The following OSBPL6 variants were observed in gnomAD, a reference collection of about 807,000 sequenced individuals.
The protein encoded by OSBPL6 is oxysterol-binding protein-related protein 6.
In OSBPL6, 49 loss-of-function variants were observed where a neutral mutation model predicts 125.8. The observed-to-expected ratio is 0.39, with a 90% CI of 0.31 to 0.49. OSBPL6 has a LOEUF of 0.49. Among genes scored for constraint, OSBPL6 ranks in the 20% least tolerant of loss-of-function variants. The pLI is 0.88. For synonymous variants in OSBPL6, 394 were observed against 391.8 expected (o/e 1.01, Z -0.07); for missense variants, 986 against 1,135.4 (o/e 0.87, Z 1.89).
intron 18 of OSBPL6, among the ~76,000 whole-genome samples, chr2:178,384,792 C>T (rs1694787274): frequency 1.3e-5 from 2 of 151,522 alleles, no homozygotes; most frequent in South Asian, 4.2e-4. Context: ...GGTTGAAATT[C>T]AACAGAACTG....
At chr2:178,282,310 C>T (rs76574758) in intron 1 of OSBPL6, among the ~76,000 whole-genome samples, 55 of 152,260 alleles carry the variant, frequency 3.6e-4, no homozygotes, top group Non-Finnish European at 6.5e-4. Flanking sequence ...CGGAGGAATT[C>T]CTTAGATATG....
chr2:178,343,997 T>C (rs1690463861), intron 11 of OSBPL6, among the ~76,000 whole-genome samples: 1 of 152,206 alleles, frequency 6.6e-6, no homozygotes, highest in African/African-American at 2.4e-5. Context: ...ACAGTATGCA[T>C]ATTTATTTTA....
At position 178,332,721 on chromosome 2, in the gene OSBPL6, C is replaced by A. The variant is rs1559256410; in HGVS notation, c.453C>A (p.Asp151Glu). The change falls in exon 7 of 25, where the codon GAC becomes GAA. Residue 151 changes from aspartate (D) to glutamate (E), a missense_variant. Around this residue, in one of 3 missense-constraint regions of OSBPL6, gnomAD observed 843 missense variants for 997.3 expected, o/e 0.85. Coordinates refer to ENST00000190611, the MANE Select transcript of OSBPL6 (RefSeq NM_032523.4). ...MSIKKKARRI[D>E]LDTEEHIYHL... ...TTAAAAAGAAAGCTCGAAGAATAGA[C>A]CTTGACACCGAAGAGCACATCTATC... 6.2e-7 allele frequency: 1 copy of A among 1,614,102 alleles called. No individual in the cohort carries two copies. The highest frequency in any genetic ancestry group is 8.5e-7 in the Non-Finnish European group (1 of 1,179,976).
At chr2:178,392,383 C>G in intron 22 of OSBPL6, 29 bp from the exon 23 acceptor site, 2 of 1,612,574 alleles carry the variant, frequency 1.2e-6, no homozygotes, top group South Asian at 1.1e-5. Context: ...CCTTCTGCCT[C>G]TCACAGTGGT....
In OSBPL6 at chr2:178,363,367, A is replaced by G. The variant is rs560172069; in HGVS notation, c.1287+1552A>G. Among the ~76,000 whole-genome samples, 4 of 152,312 alleles carry G rather than the reference A, an allele frequency of 2.6e-5. No individual in the cohort carries two copies. In the South Asian group the frequency reaches 8.3e-4, roughly 32 times the overall value. ...TTCATTGTATTCCATTCGGGTGACT[A>G]TATGCTAGGTATTGTGCAAGGTACA... On this transcript the variant is annotated intron_variant, in intron 13 of 24. Coordinates refer to ENST00000190611, the MANE Select transcript of OSBPL6 (RefSeq NM_032523.4).
At chr2:178,379,292 G>GAA (rs1355297622) in intron 15 of OSBPL6, among the ~76,000 whole-genome samples, 2 of 118,840 alleles carry the variant, frequency 1.7e-5, no homozygotes, top group Non-Finnish European at 3.4e-5. Context: ...AGAAAAGAAA[G>GAA]AAAGAAGAAA....
chr2:178,357,425 A>G (rs1336450190), intron 12 of OSBPL6, among the ~76,000 whole-genome samples: 1 of 152,252 alleles, frequency 6.6e-6, no homozygotes, highest in African/African-American at 2.4e-5. Flanking sequence ...TGGGCAAAGG[A>G]TATGAACAGA....
At chr2:178,393,072 CAG>C (rs1695559852) in intron 23 of OSBPL6, among the ~76,000 whole-genome samples, 1 of 152,162 alleles carries the variant, frequency 6.6e-6, no homozygotes, top group African/African-American at 2.4e-5. Context: ...GATAAGATAA[CAG>C]AGATATTTTT....
rs576697882 is a variant in OSBPL6 at position 178,377,919 on chromosome 2, C to T, written c.1533+3892C>T. On this transcript the variant is annotated intron_variant, in intron 15 of 24. Transcript: ENST00000190611. ...TCTTGCCTCACTGTAATCTCCACCT[C>T]CTGGGTTCAAGCAAGTCTCCTGCCT... is the stretch of plus-strand genomic sequence containing the variant. 9.6e-4 allele frequency among the ~76,000 whole-genome samples: 146 copies of T among 152,186 alleles called. 1 individual carries two copies. The highest frequency in any genetic ancestry group is 3.4e-3 in the Middle Eastern group (1 of 294).
chr2:178,266,434 G>C (rs333988), intron 1 of OSBPL6, among the ~76,000 whole-genome samples: 116,032 of 152,116 alleles, frequency 0.76, 45,151 homozygotes, highest in East Asian at 0.88. Context: ...TTGGGATTCT[G>C]CCTTTGAACA....
intron 1 of OSBPL6, among the ~76,000 whole-genome samples, chr2:178,280,282 C>T (rs1037578852): frequency 6.6e-6 from 1 of 152,086 alleles, no homozygotes; most frequent in Non-Finnish European, 1.5e-5. Flanking sequence ...ATATATGTCA[C>T]CTAGAAATTT....
chr2:178,226,699 T>C (rs2090578831), intron 1 of OSBPL6, among the ~76,000 whole-genome samples: 1 of 152,148 alleles, frequency 6.6e-6, no homozygotes, highest in African/African-American at 2.4e-5. Flanking sequence ...TCATACTATA[T>C]ACAAAAAAGT....
intron 1 of OSBPL6, among the ~76,000 whole-genome samples, chr2:178,226,563 T>C (rs1187171378): frequency 6.6e-6 from 1 of 152,192 alleles, no homozygotes; most frequent in Non-Finnish European, 1.5e-5. Context: ...ATAATCCTTT[T>C]TATAGGAGCT....
At chr2:178,361,622 ATGT>A in intron 12 of OSBPL6, 57 bp from the exon 13 acceptor site, 1 of 1,575,188 alleles carries the variant, frequency 6.3e-7, no homozygotes, top group Non-Finnish European at 8.7e-7. Flanking sequence ...GAAATTTATA[ATGT>A]TGTGTATTCT....
rs745806301 is a variant in OSBPL6, at chr2:178,285,072, CA to C, written c.-204del. The stretch of plus-strand genomic sequence containing the variant: ...CATCTGAGGATAAATCACTGTGAAA[CA>C]GCTTTGACCATAAAGCTGACTTGGA... On this transcript the variant is annotated 5_prime_UTR_variant, in exon 2 of 25. Transcript: ENST00000190611. 6.8e-5 allele frequency: 27 copies of C among 398,508 alleles called. No individual in the cohort carries two copies. Among genetic ancestry groups the C allele is most frequent in the South Asian group, 2.5e-4 (2 of 7,864 alleles). 24.7% of individuals were successfully genotyped at this position (398,508 alleles called of 1,614,324 possible).
At position 178,380,456 on chromosome 2, in the gene OSBPL6, CAAAAAAAA is replaced by C. The variant is rs60399092; in HGVS notation, c.1534-1942_1534-1935del. Among the ~76,000 whole-genome samples the C allele has an allele frequency of 2.5e-3, 65 of 25,982 alleles. 1 individual carries two copies. The highest frequency in any genetic ancestry group is 4.7e-3 in the African/African-American group (31 of 6,550). The allele number at this position is 25,982 out of a possible 152,430, so 17.0% of individuals were successfully genotyped here. A position where few individuals can be genotyped will look rare whatever the true frequency, so the allele number is the denominator to read the frequency against. The stretch of plus-strand genomic sequence containing the variant: ...TGGGCAGCAGAGTAAGAGTCTGTCT[CAAAAAAAA>C]AAAAAAAAAAAAAAAAAAAAAGTGA... On this transcript the variant is annotated intron_variant, in intron 15 of 24. Coordinates refer to ENST00000190611, the MANE Select transcript of OSBPL6 (RefSeq NM_032523.4).
At position 178,265,094 on chromosome 2, in the gene OSBPL6, C is replaced by T. The variant is rs140223320; in HGVS notation, c.-350-19833C>T. Among the ~76,000 whole-genome samples, 656 of 141,218 alleles carry T rather than the reference C, an allele frequency of 4.6e-3. 6 individuals carry two copies. Among genetic ancestry groups the T allele is most frequent in the African/African-American group, 0.016 (620 of 38,130 alleles). 92.6% of individuals were successfully genotyped at this position (141,218 alleles called of 152,430 possible). ...TTACTCTGTTGCTATGTTGTACTGG[C>T]GGGTCTTTAACTCCTGGTCTCAAGC... On this transcript the variant is annotated intron_variant, in intron 1 of 24. Coordinates refer to ENST00000190611, the MANE Select transcript of OSBPL6 (RefSeq NM_032523.4).
rs770933596 is a variant in OSBPL6, at chr2:178,349,254, C to A, written c.1018C>A (p.Arg340Ser). The A allele has an allele frequency of 1.2e-6, 2 of 1,613,968 alleles. No homozygotes were observed. Among genetic ancestry groups the A allele is most frequent in the East Asian group, 2.2e-5 (1 of 44,894 alleles). Residue 340 changes from arginine to serine, a missense_variant, in exon 12 of 25, where the codon CGC (arginine) becomes AGC (serine). Coordinates refer to ENST00000190611, the MANE Select transcript of OSBPL6 (RefSeq NM_032523.4). Reference sequence around the variant, plus strand: ...TTTCAGTGCTACCATGTCACCAGTTCGCTTGCATTCCTCCAACCCCAACCT... The same window carrying A: ...TTTCAGTGCTACCATGTCACCAGTTAGCTTGCATTCCTCCAACCCCAACCT... Reference protein sequence around the residue: ...VPFSATMSPVRLHSSNPNLCA... With the variant: ...VPFSATMSPVSLHSSNPNLCA...
At chr2:178,289,756 AAGT>A (rs1314794558) in intron 2 of OSBPL6, among the ~76,000 whole-genome samples, 1 of 152,200 alleles carries the variant, frequency 6.6e-6, no homozygotes, top group African/African-American at 2.4e-5. Context: ...TCACTTGTTG[AAGT>A]TAAGCCACTT....
Sources: gnomAD v4.1 joint callset for allele counts (sites outside exome capture counted in the v4.1 genomes callset) on GRCh38, gnomAD v4.1.1 for gene constraint, gnomAD v4.1.1 regional missense constraint, MANE v1.5 for transcripts, NCBI Gene and HGNC (gene_info 2026-07-23, HGNC 2026-07-21) for gene names.